Variants in LRP1B observed in about 807,000 individuals in gnomAD.
LRP1B encodes the protein low-density lipoprotein receptor-related protein 1B.
LRP1B carries 217 observed loss-of-function variants against 556.6 expected under a neutral mutation model. That is an observed-to-expected ratio of 0.39 (90% CI 0.35 to 0.44). The LOEUF (loss-of-function observed/expected upper bound fraction) is 0.44, where lower values mean the gene tolerates loss of function less well. Among genes scored for constraint, LRP1B ranks in the 20% least tolerant of loss-of-function variants. The probability of loss-of-function intolerance (pLI) is 1.00; values close to 1 mark genes in which losing one functional copy is unlikely to be tolerated. For missense variants in LRP1B, 5,053 were observed against 5,620.8 expected, an observed-to-expected ratio of 0.90 and a Z score of 3.23; for synonymous variants, 2,047 against 1,865.8, an observed-to-expected ratio of 1.10 and a Z score of -2.50.
intron 27 of LRP1B, among the ~76,000 whole-genome samples, chr2:140,865,120 TAAC>T (rs1692909671): frequency 6.6e-6 from 1 of 152,030 alleles, no homozygotes; most frequent in South Asian, 2.1e-4. Context: ...TAATCCCATA[TAAC>T]AACAACATTA....
chr2:140,394,660 G>C (rs1684174074), intron 66 of LRP1B, among the ~76,000 whole-genome samples: 1 of 152,140 alleles, frequency 6.6e-6, no homozygotes, highest in African/African-American at 2.4e-5. Context: ...AGAGAAGCTG[G>C]AAAATGTGAT....
At chr2:141,451,955 A>T (rs1422466504) in intron 3 of LRP1B, among the ~76,000 whole-genome samples, 1 of 152,228 alleles carries the variant, frequency 6.6e-6, no homozygotes, top group African/African-American at 2.4e-5. Flanking sequence ...ACCAAGCTAA[A>T]TTGAATTATT....
chr2:140,268,488 C>T (rs1682310488), intron 86 of LRP1B, among the ~76,000 whole-genome samples: 1 of 151,934 alleles, frequency 6.6e-6, no homozygotes, highest in Admixed American at 6.6e-5. Context: ...TACAACTGTG[C>T]TTTAAAACCA....
intron 3 of LRP1B, among the ~76,000 whole-genome samples, chr2:141,269,036 C>G (rs1029069847): frequency 2.0e-5 from 3 of 152,136 alleles, no homozygotes; most frequent in African/African-American, 4.8e-5. Context: ...AAGCACTGTC[C>G]CAGTCCCCAG....
At chr2:141,721,486 T>C (rs574708272) in intron 2 of LRP1B, among the ~76,000 whole-genome samples, 59 of 152,302 alleles carry the variant, frequency 3.9e-4, no homozygotes, top group African/African-American at 1.3e-3. Context: ...CTCTACACAA[T>C]ATGTTGCATA....
chr2:140,611,111 C>T (rs911653563), intron 41 of LRP1B, among the ~76,000 whole-genome samples: 12 of 152,052 alleles, frequency 7.9e-5, no homozygotes, highest in African/African-American at 2.4e-4. Context: ...AATTATCATC[C>T]CCATTTTTCT....
intron 3 of LRP1B, among the ~76,000 whole-genome samples, chr2:141,408,101 G>C (rs531648170): frequency 6.6e-6 from 1 of 150,818 alleles, no homozygotes; most frequent in South Asian, 2.1e-4. Flanking sequence ...AACTACCTAG[G>C]TCATATGCTT....
intron 49 of LRP1B, among the ~76,000 whole-genome samples, chr2:140,518,855 A>G (rs1429150087): frequency 1.3e-5 from 2 of 152,200 alleles, no homozygotes. Flanking sequence ...TTTTCTAAAT[A>G]TACAATCACG....
At chr2:140,857,111 AG>A (rs1436078262) in intron 27 of LRP1B, among the ~76,000 whole-genome samples, 12 of 152,306 alleles carry the variant, frequency 7.9e-5, no homozygotes, top group Middle Eastern at 3.4e-3. Context: ...ACCAGGGAAA[AG>A]AAAAAAACAC....
At chr2:141,396,236 A>T (rs1249897549) in intron 3 of LRP1B, among the ~76,000 whole-genome samples, 2 of 152,206 alleles carry the variant, frequency 1.3e-5, no homozygotes, top group African/African-American at 4.8e-5. Context: ...ATACAAGCAG[A>T]TTCACAAAAT....
chr2:140,356,171 A>G (rs1474102161), intron 75 of LRP1B, among the ~76,000 whole-genome samples, 171 bp downstream of exon 75: 5 of 48,022 alleles, frequency 1.0e-4, no homozygotes, highest in Non-Finnish European at 2.7e-4. Flanking sequence ...GCTTAGCTCC[A>G]CAAACAAGCT....
intron 1 of LRP1B, among the ~76,000 whole-genome samples, chr2:142,101,019 T>C (rs908771843): frequency 6.6e-6 from 1 of 151,970 alleles, no homozygotes; most frequent in African/African-American, 2.4e-5. Context: ...ACAGGTACAA[T>C]TATTTTAAAA....
At chr2:142,057,515 C>G (rs1301561571) in intron 1 of LRP1B, among the ~76,000 whole-genome samples, 2 of 152,108 alleles carry the variant, frequency 1.3e-5, no homozygotes, top group Admixed American at 6.6e-5. Flanking sequence ...AAATAGAGAA[C>G]AGTGATGATC....
At chr2:141,219,804 G>C (rs1415083317) in intron 6 of LRP1B, among the ~76,000 whole-genome samples, 1 of 152,078 alleles carries the variant, frequency 6.6e-6, no homozygotes, top group Non-Finnish European at 1.5e-5. Context: ...CAGGTGAATT[G>C]GGTCTGCAGT....
At chr2:141,283,126 C>T (rs764919001) in intron 3 of LRP1B, among the ~76,000 whole-genome samples, 6 of 151,864 alleles carry the variant, frequency 4.0e-5, no homozygotes, top group Admixed American at 6.6e-5. Context: ...CATTTTCAGA[C>T]TTAAGAGATA....
intron 56 of LRP1B, among the ~76,000 whole-genome samples, chr2:140,494,895 A>G (rs1688850659): frequency 6.6e-6 from 1 of 152,140 alleles, no homozygotes; most frequent in African/African-American, 2.4e-5. Flanking sequence ...CTTAAAAACA[A>G]GCGGAATAGA....
chr2:140,413,184 A>T (rs985996242), intron 66 of LRP1B, among the ~76,000 whole-genome samples: 2 of 152,176 alleles, frequency 1.3e-5, no homozygotes, highest in Non-Finnish European at 2.9e-5. Flanking sequence ...ACAAACACAC[A>T]TACACAATTC....
At chr2:141,195,642 C>A (rs959609374) in intron 6 of LRP1B, among the ~76,000 whole-genome samples, 16 of 152,068 alleles carry the variant, frequency 1.1e-4, no homozygotes, top group Admixed American at 3.9e-4. Flanking sequence ...ATCCATCATG[C>A]AGCTCTAATG....
intron 35 of LRP1B, among the ~76,000 whole-genome samples, chr2:140,719,471 C>T (rs1166363133): frequency 2.0e-5 from 3 of 151,882 alleles, no homozygotes; most frequent in South Asian, 4.1e-4. Flanking sequence ...GTCAGTACTG[C>T]AAAATTTTAG....
Sources: allele counts gnomAD v4.1 joint callset (sites outside exome capture counted in the v4.1 genomes callset), GRCh38; gene constraint gnomAD v4.1.1; transcripts MANE v1.5; gene names NCBI Gene and HGNC (gene_info 2026-07-23, HGNC 2026-07-21).